CDH23: variants seen among roughly 807,000 people sequenced by gnomAD.
CDH23 encodes the protein cadherin related 23.
Under a neutral mutation model 317.1 loss-of-function variants are expected in CDH23, and 189 were observed. The ratio of observed to expected loss-of-function variants is 0.60; its 90% CI spans 0.53 to 0.67. The LOEUF (loss-of-function observed/expected upper bound fraction) is 0.67. Among genes scored for constraint, CDH23 ranks in the 30% least tolerant of loss-of-function variants. The probability of loss-of-function intolerance (pLI) is 0.00; values close to 1 mark genes in which losing one functional copy is unlikely to be tolerated. For missense variants in CDH23, 4,401 were observed against 4,592.4 expected, an observed-to-expected ratio of 0.96 and a Z score of 1.20; for synonymous variants, 1,839 against 1,876.8, an observed-to-expected ratio of 0.98 and a Z score of 0.52.
chr10:71,481,573 G>C (rs977619601), intron 3 of CDH23, among the ~76,000 whole-genome samples: 1 of 152,162 alleles, frequency 6.6e-6, no homozygotes, highest in Non-Finnish European at 1.5e-5. Flanking sequence ...CTCCCCTTTT[G>C]GGTGTCATTC....
At chr10:71,623,250 G>T (rs529678396) in intron 11 of CDH23, among the ~76,000 whole-genome samples, 1 of 152,258 alleles carries the variant, frequency 6.6e-6, no homozygotes, top group Non-Finnish European at 1.5e-5. Flanking sequence ...TGGAGCTGAG[G>T]TTAAGTGGCA....
At chr10:71,511,370 G>A in intron 6 of CDH23, 158 bp downstream of exon 6, 2 of 714,194 alleles carry the variant, frequency 2.8e-6, no homozygotes, top group Non-Finnish European at 2.5e-6. Flanking sequence ...GAACATGCTG[G>A]TACCCTGGGA....
rs113798012 is a variant in CDH23 at position 71,446,478 on chromosome 10, G to A, written c.145+83G>A. 10 of 1,362,460 alleles carry A rather than the reference G, an allele frequency of 7.3e-6. No individual in the cohort carries two copies. In the African/African-American group the frequency reaches 1.4e-4, roughly 19 times the overall value. The allele number at this position is 1,362,460 out of a possible 1,614,324, so 84.4% of individuals were successfully genotyped here. ...ACAAGTGAAGGGGATCTTACAGGTT[G>A]AGGTCATCTTCCACCTGATTTTGGA... On this transcript the variant is annotated intron_variant, in intron 3 of 69. Transcript: ENST00000224721.
At chr10:71,585,539 G>A (rs1858993096) in intron 9 of CDH23, among the ~76,000 whole-genome samples, 1 of 152,126 alleles carries the variant, frequency 6.6e-6, no homozygotes, top group African/African-American at 2.4e-5. Flanking sequence ...GAGTATCTAG[G>A]GACAGAGCCT....
intron 3 of CDH23, among the ~76,000 whole-genome samples, chr10:71,484,120 T>C (rs1852217371): frequency 6.6e-6 from 1 of 152,200 alleles, no homozygotes; most frequent in South Asian, 2.1e-4. Flanking sequence ...TGAGGCATGG[T>C]GGCCCCATTA....
intron 11 of CDH23, among the ~76,000 whole-genome samples, chr10:71,630,446 G>T (rs1343166339): frequency 1.3e-5 from 2 of 152,220 alleles, no homozygotes; most frequent in Non-Finnish European, 2.9e-5. Context: ...AGGGTGAGGA[G>T]CGGTCAGCCG....
At chr10:71,709,577 G>A (rs1466178516) in intron 27 of CDH23, among the ~76,000 whole-genome samples, 3 of 152,224 alleles carry the variant, frequency 2.0e-5, no homozygotes, top group East Asian at 1.9e-4. Flanking sequence ...GCATCTGGGA[G>A]TGCCTTTGAG....
chr10:71,784,806 G>A (rs550660474), intron 42 of CDH23, 85 bp from the exon 43 acceptor site: 70 of 1,057,874 alleles, frequency 6.6e-5, no homozygotes, highest in South Asian at 5.1e-4. Context: ...CCTCCATGCC[G>A]CCCTTGGCGA....
chr10:71,403,448 CCTTCCTTT>C (rs1375815122), intron 1 of CDH23, among the ~76,000 whole-genome samples: 4 of 62,416 alleles, frequency 6.4e-5, no homozygotes, highest in Non-Finnish European at 1.1e-4. Context: ...TTCCTTCCTT[CCTTCCTTT>C]CCTTCCTTCC....
At chr10:71,753,760 GA>G (rs1300295498) in intron 38 of CDH23, 1 of 456,274 alleles carries the variant, frequency 2.2e-6, no homozygotes, top group East Asian at 6.9e-5. Context: ...TGCTGATTAC[GA>G]TGGGGAAACA....
chr10:71,505,442 C>T (rs895166183), intron 3 of CDH23, among the ~76,000 whole-genome samples: 9 of 152,176 alleles, frequency 5.9e-5, no homozygotes, highest in African/African-American at 2.2e-4. Context: ...CCATGGTAGA[C>T]AAGGTCATCC....
chr10:71,564,451 G>A (rs377532642), intron 6 of CDH23, among the ~76,000 whole-genome samples: 67 of 152,352 alleles, frequency 4.4e-4, no homozygotes, highest in African/African-American at 1.2e-3. Flanking sequence ...AATTAAATGG[G>A]TTTTCACCGC....
chr10:71,580,939 G>T (rs556855072), intron 9 of CDH23, among the ~76,000 whole-genome samples: 49 of 152,264 alleles, frequency 3.2e-4, no homozygotes, highest in African/African-American at 1.1e-3. Flanking sequence ...AGGCTAATGG[G>T]CAGGAGGGCA....
chr10:71,415,906 C>A (rs183626316), intron 1 of CDH23, among the ~76,000 whole-genome samples: 8 of 152,252 alleles, frequency 5.3e-5, no homozygotes, highest in African/African-American at 1.9e-4. Flanking sequence ...TACTTTATGG[C>A]CCAGCATGGG....
chr10:71,737,781 C>G (rs574760111), intron 34 of CDH23: 16 of 468,770 alleles, frequency 3.4e-5, no homozygotes, highest in Non-Finnish European at 5.3e-5. Context: ...AGGCCTCACC[C>G]GCGGCAGGCC....
intron 2 of CDH23, among the ~76,000 whole-genome samples, chr10:71,444,309 T>A (rs973601750): frequency 2.0e-5 from 3 of 152,260 alleles, no homozygotes; most frequent in Non-Finnish European, 4.4e-5. Context: ...ATTATGGCTA[T>A]TTTACACATG....
intron 28 of CDH23, chr10:71,717,140 A>G (rs2132774777): frequency 6.6e-6 from 1 of 152,380 alleles, no homozygotes; most frequent in African/African-American, 2.4e-5. Flanking sequence ...CGAAGAGGGG[A>G]TTTGGCATTA....
At chr10:71,519,265 A>G (rs1318030549) in intron 6 of CDH23, among the ~76,000 whole-genome samples, 6 of 152,096 alleles carry the variant, frequency 3.9e-5, no homozygotes, top group African/African-American at 7.2e-5. Context: ...GAACCTCTAA[A>G]TGGAAGGAGA....
intron 9 of CDH23, among the ~76,000 whole-genome samples, chr10:71,589,687 A>C (rs74147366): frequency 0.016 from 2,478 of 152,322 alleles, 71 homozygotes; most frequent in African/African-American, 0.055. Flanking sequence ...GTGAGGAAGA[A>C]GGGTTGCCAC....
Sources: gnomAD v4.1 joint callset for allele counts (sites outside exome capture counted in the v4.1 genomes callset) on GRCh38, gnomAD v4.1.1 for gene constraint, MANE v1.5 for transcripts, NCBI Gene and HGNC (gene_info 2026-07-23, HGNC 2026-07-21) for gene names.